Variants in RAC3 observed in about 807,000 individuals in gnomAD.
RAC3 encodes the protein Rac family small GTPase 3, also known as ras-related C3 botulinum toxin substrate 3.
RAC3 carries 9 observed loss-of-function variants against 19.0 expected under a neutral mutation model. That is an observed-to-expected ratio of 0.47 (90% CI 0.29 to 0.83). The LOEUF (loss-of-function observed/expected upper bound fraction) is 0.83. RAC3 is among the 40% of genes least tolerant of loss of function. The pLI is 0.09. For missense variants in RAC3, 203 were observed against 260.8 expected (o/e 0.78, Z 1.53); for synonymous variants, 146 against 111.8 (o/e 1.31, Z -1.93).
rs2043431524 is a variant in RAC3 at position 82,031,799 on chromosome 17, G to A, written c.35+3G>A. The A allele has an allele frequency of 3.0e-6, 3 of 993,186 alleles. No homozygotes were observed. Among genetic ancestry groups the A allele is most frequent in the Non-Finnish European group, 3.6e-6 (3 of 836,498 alleles). 61.5% of individuals were successfully genotyped at this position (993,186 alleles called of 1,614,324 possible). A position where few individuals can be genotyped will look rare whatever the true frequency, so the allele number is the denominator to read the frequency against. On this transcript the variant is annotated splice_donor_region_variant and intron_variant, in intron 1 of 5. Transcript: ENST00000306897. ...AAGTGCGTGGTGGTCGGCGACGGGT[G>A]AGTGCGCGGCCCGGAGGCCGCTTGG...
intron 2 of RAC3, 71 bp downstream of exon 2, chr17:82,032,529 G>A: frequency 6.4e-7 from 1 of 1,554,898 alleles, no homozygotes; most frequent in South Asian, 1.1e-5. Flanking sequence ...ACACGGGCAG[G>A]GTCTCCTCTG....
In RAC3 at chr17:82,032,456, C is replaced by T; in HGVS notation, c.105C>T (p.Thr35=). The T allele has an allele frequency of 6.2e-7, 1 of 1,612,840 alleles. No individual in the cohort carries two copies. Among genetic ancestry groups the T allele is most frequent in the Non-Finnish European group, 8.5e-7 (1 of 1,179,766 alleles). Residue 35 remains threonine, a splice_region_variant and synonymous_variant, in exon 2 of 6, where the codon ACC becomes ACT. Coordinates refer to ENST00000306897, the MANE Select transcript of RAC3 (RefSeq NM_005052.3). ...CCTTCCCCGGAGAGTACATCCCCAC[C>T]GTGTGAGTGTGGGGGCTTCCCGGGA... ...TNAFPGEYIP[T]VFDNYSANVM...
chr17:82,034,028 T>G lies in RAC3; in HGVS notation c.*199T>G. 4.2e-6 allele frequency: 2 copies of G among 473,242 alleles called. No homozygotes were observed. Among genetic ancestry groups the G allele is most frequent in the Non-Finnish European group, 6.4e-6 (2 of 310,118 alleles). The allele number at this position is 473,242 out of a possible 1,614,324, so 29.3% of individuals were successfully genotyped here. On this transcript the variant is annotated 3_prime_UTR_variant, in exon 6 of 6. Coordinates refer to ENST00000306897, the MANE Select transcript of RAC3 (RefSeq NM_005052.3). ...TCTGGGGTGTGGCTCCAGCCTTCCC[T>G]GGCCCCCGCCGGAGGCCGGGAGGGA...
Position 82,033,528 on chromosome 17 carries a change from T to C in RAC3, c.377T>C (p.Ile126Thr), listed in dbSNP as rs1471584504. Residue 126 changes from isoleucine (I) to threonine (T), a missense_variant, in exon 5 of 6, where the codon ATT becomes ACT. Physicochemically the swap from Ile to Thr is moderately conservative, Grantham distance 89 (BLOSUM62 -1). Transcript: ENST00000306897. This position sits in a 1 kb window ranked among gnomAD's most constrained non-coding sequence, Gnocchi z 6.2. ...KLDLRDDKDT[I>T]ERLRDKKLAP... Reference sequence around the variant, plus strand: ...GACCTCCGCGACGACAAGGACACCATTGAGCGGCTGCGGGACAAGAAGCTG... The same window carrying C: ...GACCTCCGCGACGACAAGGACACCACTGAGCGGCTGCGGGACAAGAAGCTG... 3.7e-6 allele frequency: 6 copies of C among 1,612,760 alleles called. No individual in the cohort carries two copies. Among genetic ancestry groups the C allele is most frequent in the African/African-American group, 1.3e-5 (1 of 74,886 alleles).
intron 1 of RAC3, 71 bp downstream of exon 1, chr17:82,031,867 C>G: frequency 3.0e-4 from 41 of 136,666 alleles, no homozygotes; most frequent in Non-Finnish European, 5.2e-4. Flanking sequence ...GGGGCGCAGC[C>G]GGGGCGGGGC....
rs12936039 is a variant in RAC3 at position 82,033,834 on chromosome 17, C to G, written c.*5C>G. The stretch of plus-strand genomic sequence containing the variant: ...AAGAAGTGCACCGTCTTCTAGAGCC[C>G]TGGCCCACCCGAGCCTGAGGGCTGG... On this transcript the variant is annotated 3_prime_UTR_variant, in exon 6 of 6. Transcript: ENST00000306897. The surrounding 1 kb of genome is among the most constrained non-coding windows in gnomAD (Gnocchi z 6.2). 3.8e-6 allele frequency: 6 copies of G among 1,588,762 alleles called. No homozygotes were observed. Among genetic ancestry groups the G allele is most frequent in the Non-Finnish European group, 5.1e-6 (6 of 1,167,998 alleles).
chr17:82,032,345 C>G (rs750447889), intron 1 of RAC3, 42 bp from the exon 2 acceptor site: 11 of 1,604,244 alleles, frequency 6.9e-6, no homozygotes, highest in East Asian at 2.2e-5. Flanking sequence ...GCAGAGGGTC[C>G]GAGGCCGGGC....
chr17:82,032,868 C>G (rs2043444992), intron 3 of RAC3, 40 bp downstream of exon 3: 2 of 1,610,862 alleles, frequency 1.2e-6, no homozygotes, highest in African/African-American at 2.7e-5. Context: ...CTGGGGGGGT[C>G]CCTGAGATCC....
Position 82,033,475 on chromosome 17 carries a change from G to C in RAC3, c.324G>C (p.Thr108=). The change falls in exon 5 of 6, where the codon ACG becomes ACC. Residue 108 remains threonine, a synonymous_variant. Coordinates refer to ENST00000306897, the MANE Select transcript of RAC3 (RefSeq NM_005052.3). This position sits in a 1 kb window ranked among gnomAD's most constrained non-coding sequence, Gnocchi z 6.2. Reference sequence around the variant, plus strand: ...AGGTGCGGCACCACTGCCCCCACACGCCCATCCTCCTGGTGGGCACCAAGC... The same window carrying C: ...AGGTGCGGCACCACTGCCCCCACACCCCCATCCTCCTGGTGGGCACCAAGC... ...YPEVRHHCPH[T]PILLVGTKLD... 6.2e-7 allele frequency: 1 copy of C among 1,611,818 alleles called. No homozygotes were observed. Among genetic ancestry groups the C allele is most frequent in the Non-Finnish European group, 8.5e-7 (1 of 1,179,356 alleles).
Position 82,031,732 on chromosome 17 carries a change from G to A in RAC3, c.-30G>A, listed in dbSNP as rs1246251585. ...GCATTTCTCCGCAGCTCGGCTCGCG[G>A]CCGCGCCCGCCGCCGCCCGGCCCGC... is the stretch of plus-strand genomic sequence containing the variant. On this transcript the variant is annotated 5_prime_UTR_variant, in exon 1 of 6. Coordinates refer to ENST00000306897, the MANE Select transcript of RAC3 (RefSeq NM_005052.3). 5 of 989,388 alleles carry A rather than the reference G, an allele frequency of 5.1e-6. No homozygotes were observed. Among genetic ancestry groups the A allele is most frequent in the African/African-American group, 3.5e-5 (2 of 56,586 alleles). 61.3% of individuals were successfully genotyped at this position (989,388 alleles called of 1,614,324 possible).
At position 82,032,838 on chromosome 17, in the gene RAC3, A is replaced by G. The variant is rs374414902; in HGVS notation, c.225+10A>G. Reference sequence around the variant, plus strand: ...CTCCTACCCCCAAACTGTACGTAACAATGGGGCCAGCCCCGGGAGCTGGGG... The same window carrying G: ...CTCCTACCCCCAAACTGTACGTAACGATGGGGCCAGCCCCGGGAGCTGGGG... On this transcript the variant is annotated intron_variant, in intron 3 of 5. Transcript: ENST00000306897. The G allele has an allele frequency of 1.9e-6, 3 of 1,612,438 alleles. No individual in the cohort carries two copies. Among genetic ancestry groups the G allele is most frequent in the Non-Finnish European group, 2.5e-6 (3 of 1,179,462 alleles).
At chr17:82,032,883 A>C in intron 3 of RAC3, 55 bp downstream of exon 3, 1 of 1,609,700 alleles carries the variant, frequency 6.2e-7, no homozygotes, top group South Asian at 1.1e-5. Context: ...AGATCCGCAC[A>C]AGGGAGGGAG....
Position 82,033,673 on chromosome 17 carries a change from C to A in RAC3, c.449-26C>A, listed in dbSNP as rs1156896724. On this transcript the variant is annotated intron_variant, in intron 5 of 5. Transcript: ENST00000306897. The surrounding 1 kb of genome is among the most constrained non-coding windows in gnomAD (Gnocchi z 6.2). Reference sequence around the variant, plus strand: ...AGGGCCTCCCTGTACCCCACCCTCACTGTCTCCCCTCCTCACTGCCGCTAG... The same window carrying A: ...AGGGCCTCCCTGTACCCCACCCTCAATGTCTCCCCTCCTCACTGCCGCTAG... The A allele has an allele frequency of 5.6e-6, 9 of 1,606,702 alleles. No individual in the cohort carries two copies. Among genetic ancestry groups the A allele is most frequent in the Non-Finnish European group, 7.7e-6 (9 of 1,175,092 alleles).
Position 82,034,162 on chromosome 17 carries a change from GC to G in RAC3, c.*334del, listed in dbSNP as rs2043462678. 1 of 246,372 alleles carries G rather than the reference GC, an allele frequency of 4.1e-6. No individual in the cohort carries two copies. The highest frequency in any genetic ancestry group is 5.0e-5 in the Admixed American group (1 of 19,848). The allele number at this position is 246,372 out of a possible 1,614,324, so 15.3% of individuals were successfully genotyped here. On this transcript the variant is annotated 3_prime_UTR_variant, in exon 6 of 6. Transcript: ENST00000306897. ...TCTGTTCCTTGTGCCCCGAGGTGGG[GC>G]AGCCCCTTCTCATTTTATACAATAA...
In RAC3 at chr17:82,033,492, G is replaced by A; in HGVS notation, c.341G>A (p.Gly114Asp). 1.2e-6 allele frequency: 2 copies of A among 1,612,710 alleles called. No individual in the cohort carries two copies. Among genetic ancestry groups the A allele is most frequent in the Non-Finnish European group, 1.7e-6 (2 of 1,179,744 alleles). ...CCCCACACGCCCATCCTCCTGGTGG[G>A]CACCAAGCTGGACCTCCGCGACGAC... is the stretch of plus-strand genomic sequence containing the variant. The part of the protein sequence containing the change: ...HCPHTPILLV[G>D]TKLDLRDDKD... The change falls in exon 5 of 6, where the codon GGC (glycine) becomes GAC (aspartate). Residue 114 changes from glycine to aspartate, a missense_variant. Coordinates refer to ENST00000306897, the MANE Select transcript of RAC3 (RefSeq NM_005052.3). This position sits in a 1 kb window ranked among gnomAD's most constrained non-coding sequence, Gnocchi z 6.2.
At chr17:82,032,511 T>TG (rs980907113) in intron 2 of RAC3, 53 bp downstream of exon 2, 17 of 1,590,038 alleles carry the variant, frequency 1.1e-5, no homozygotes, top group Admixed American at 1.7e-5. Flanking sequence ...GAGTGTGGCA[T>TG]GGGGGGGACA....
chr17:82,032,129 G>A lies in RAC3; in HGVS notation c.36-258G>A, dbSNP rs111611675. ...TCAGCCGGCCCCACCCTCTCCTGCC[G>A]CCACCCTCGGAGTCGGGGCCTCTGC... On this transcript the variant is annotated intron_variant, in intron 1 of 5. Coordinates refer to ENST00000306897, the MANE Select transcript of RAC3 (RefSeq NM_005052.3). 26 of 528,202 alleles carry A rather than the reference G, an allele frequency of 4.9e-5. No individual in the cohort carries two copies. In the East Asian group the frequency reaches 6.4e-4, roughly 13 times the overall value. 32.7% of individuals were successfully genotyped at this position (528,202 alleles called of 1,614,324 possible).
At position 82,031,732 on chromosome 17, in the gene RAC3, GCCGCGCCCGCCGCCGCCCGGC is replaced by G. The variant is rs1451206528; in HGVS notation, c.-21_-1del. 2 of 989,384 alleles carry G rather than the reference GCCGCGCCCGCCGCCGCCCGGC, an allele frequency of 2.0e-6. No homozygotes were observed. The highest frequency in any genetic ancestry group is 1.8e-5 in the African/African-American group (1 of 56,586). 61.3% of individuals were successfully genotyped at this position (989,384 alleles called of 1,614,324 possible). A position where few individuals can be genotyped will look rare whatever the true frequency, so the allele number is the denominator to read the frequency against. On this transcript the variant is annotated 5_prime_UTR_variant, in exon 1 of 6. Transcript: ENST00000306897. ...GCATTTCTCCGCAGCTCGGCTCGCGGCCGCGCCCGCCGCCGCCCGGCCCGCGCCCATGCAGGCCATCAAGTG... is the reference window on the plus strand; with the variant it reads ...GCATTTCTCCGCAGCTCGGCTCGCGGCCGCGCCCATGCAGGCCATCAAGTG...
chr17:82,033,633 T>TGGGGAGGCGC lies in RAC3; in HGVS notation c.448+35_448+44dup. ...GCGCTGGCGGCCTGCAGGGGAGGGG[T>TGGGGAGGCGC]GGGGAGGCGCAGTAAGGGCCTCCCT... On this transcript the variant is annotated intron_variant, in intron 5 of 5. Coordinates refer to ENST00000306897, the MANE Select transcript of RAC3 (RefSeq NM_005052.3). The surrounding 1 kb of genome is among the most constrained non-coding windows in gnomAD (Gnocchi z 6.2). 2 of 1,600,902 alleles carry TGGGGAGGCGC rather than the reference T, an allele frequency of 1.2e-6. No homozygotes were observed. Among genetic ancestry groups the TGGGGAGGCGC allele is most frequent in the Non-Finnish European group, 1.7e-6 (2 of 1,171,786 alleles).
Sources: allele counts gnomAD v4.1 joint callset, GRCh38; gene constraint gnomAD v4.1.1; non-coding constraint Gnocchi (gnomAD v3.1); transcripts MANE v1.5; gene names NCBI Gene and HGNC (gene_info 2026-07-23, HGNC 2026-07-21).